The following ZNF804B variants were observed in gnomAD, a reference collection of about 807,000 sequenced individuals.
ZNF804B encodes the protein zinc finger protein 804B.
ZNF804B carries 80 observed loss-of-function variants against 101.4 expected under a neutral mutation model. The observed-to-expected ratio is 0.79, with a 90% CI of 0.66 to 0.95. The LOEUF is 0.95. Ranked by LOEUF, ZNF804B falls within the 40% of genes least tolerant of loss-of-function variation. The pLI is 0.00. For synonymous variants in ZNF804B, 622 were observed against 558.8 expected, an observed-to-expected ratio of 1.11 and a Z score of -1.59; for missense variants, 1,673 against 1,561.9, an observed-to-expected ratio of 1.07 and a Z score of -1.20.
intron 1 of ZNF804B, among the ~76,000 whole-genome samples, chr7:89,026,873 G>C (rs894624265): frequency 6.6e-6 from 1 of 152,164 alleles, no homozygotes; most frequent in South Asian, 2.1e-4. Flanking sequence ...ATGGTGGTCT[G>C]GCTCTTAGGA....
chr7:89,293,319 G>C lies in ZNF804B; in HGVS notation c.250-34025G>C, dbSNP rs867548195. On this transcript the variant is annotated intron_variant, in intron 2 of 3. Transcript: ENST00000333190. Reference sequence around the variant, plus strand: ...AGGTGATGGATACGTTAATTAGATTGATTTGATAATTCCACCATATATACA... The same window carrying C: ...AGGTGATGGATACGTTAATTAGATTCATTTGATAATTCCACCATATATACA... 1.5e-4 allele frequency among the ~76,000 whole-genome samples: 23 copies of C among 152,028 alleles called. No homozygotes were observed. The East Asian group carries it at 4.3e-3, about 28-fold the overall frequency.
At chr7:89,094,529 T>C (rs967327641) in intron 1 of ZNF804B, among the ~76,000 whole-genome samples, 1 of 152,126 alleles carries the variant, frequency 6.6e-6, no homozygotes, top group Non-Finnish European at 1.5e-5. Context: ...GGAGAAGATA[T>C]GGGTACACTC....
intron 1 of ZNF804B, among the ~76,000 whole-genome samples, chr7:88,922,107 G>A (rs557245309): frequency 6.6e-6 from 1 of 152,110 alleles, no homozygotes; most frequent in African/African-American, 2.4e-5. Flanking sequence ...ATTTGATTCT[G>A]TTCAGAATTT....
At chr7:88,915,647 T>C (rs1792621442) in intron 1 of ZNF804B, among the ~76,000 whole-genome samples, 2 of 151,942 alleles carry the variant, frequency 1.3e-5, no homozygotes, top group South Asian at 4.1e-4. Flanking sequence ...TAATAGACAC[T>C]AAATTATTTT....
chr7:89,132,528 C>T (rs143703673), intron 1 of ZNF804B, among the ~76,000 whole-genome samples: 11 of 152,124 alleles, frequency 7.2e-5, no homozygotes, highest in East Asian at 1.9e-4. Context: ...AGAGTCTCAG[C>T]TCCACTACCT....
chr7:88,894,655 G>C (rs2115937772), intron 1 of ZNF804B, among the ~76,000 whole-genome samples: 1 of 152,162 alleles, frequency 6.6e-6, no homozygotes, highest in South Asian at 2.1e-4. Context: ...AAATCCATAT[G>C]ATAAAATACT....
At chr7:88,888,701 C>G (rs1482932441) in intron 1 of ZNF804B, among the ~76,000 whole-genome samples, 1 of 152,092 alleles carries the variant, frequency 6.6e-6, no homozygotes. Flanking sequence ...TCATGCTACT[C>G]TGTTTTACTT....
intron 1 of ZNF804B, among the ~76,000 whole-genome samples, chr7:89,131,967 T>C (rs527434977): frequency 6.6e-6 from 1 of 152,130 alleles, no homozygotes; most frequent in South Asian, 2.1e-4. Flanking sequence ...GCAGATAGCA[T>C]ATATAAACTG....
chr7:88,801,996 T>C (rs1790598833), intron 1 of ZNF804B, among the ~76,000 whole-genome samples: 2 of 152,094 alleles, frequency 1.3e-5, no homozygotes, highest in South Asian at 4.1e-4. Context: ...GGGAGGGATC[T>C]GGTGGGAGGT....
chr7:89,063,127 C>T (rs1032237686), intron 1 of ZNF804B, among the ~76,000 whole-genome samples: 2 of 151,956 alleles, frequency 1.3e-5, no homozygotes, highest in East Asian at 1.9e-4. Context: ...TATTAGCAAT[C>T]GTTATTATTT....
chr7:89,052,776 C>T (rs1049748173), intron 1 of ZNF804B, among the ~76,000 whole-genome samples: 4 of 152,104 alleles, frequency 2.6e-5, no homozygotes, highest in Non-Finnish European at 5.9e-5. Flanking sequence ...CTTTTTCAGG[C>T]ATGTGGAATA....
chr7:89,284,721 A>G (rs1008523139), intron 2 of ZNF804B, among the ~76,000 whole-genome samples: 7 of 152,146 alleles, frequency 4.6e-5, no homozygotes, highest in African/African-American at 1.7e-4. Flanking sequence ...AAAAAAAATA[A>G]AGTTATTATA....
intron 2 of ZNF804B, among the ~76,000 whole-genome samples, chr7:89,250,860 G>A (rs975600827): frequency 7.2e-5 from 11 of 152,104 alleles, no homozygotes; most frequent in African/African-American, 2.2e-4. Context: ...CTCAATAGAC[G>A]TGAGAAAAAG....
At chr7:88,936,591 T>G (rs74831211) in intron 1 of ZNF804B, among the ~76,000 whole-genome samples, 231 of 152,146 alleles carry the variant, frequency 1.5e-3, no homozygotes, top group Admixed American at 2.6e-3. Context: ...ATGATTCTCT[T>G]TGGAATATGA....
chr7:88,957,561 A>C (rs1793328442), intron 1 of ZNF804B, among the ~76,000 whole-genome samples: 1 of 151,356 alleles, frequency 6.6e-6, no homozygotes. Context: ...TAAGTAGATA[A>C]AAATATTTTC....
intron 1 of ZNF804B, among the ~76,000 whole-genome samples, chr7:88,807,181 A>G (rs1790705098): frequency 1.3e-5 from 2 of 152,242 alleles, no homozygotes; most frequent in African/African-American, 4.8e-5. Flanking sequence ...CATGCTCTGC[A>G]AACTTTTAAA....
At chr7:89,018,859 G>A (rs1194112668) in intron 1 of ZNF804B, among the ~76,000 whole-genome samples, 1 of 151,860 alleles carries the variant, frequency 6.6e-6, no homozygotes, top group African/African-American at 2.4e-5. Flanking sequence ...TTTTATTCCT[G>A]ACCTTATTTA....
intron 1 of ZNF804B, among the ~76,000 whole-genome samples, chr7:88,840,150 C>A (rs1267859928): frequency 6.6e-6 from 1 of 152,268 alleles, no homozygotes; most frequent in African/African-American, 2.4e-5. Flanking sequence ...GAACAAAGTT[C>A]TGGCACAGAG....
chr7:89,224,238 A>T (rs906394076), intron 2 of ZNF804B, among the ~76,000 whole-genome samples: 1 of 152,056 alleles, frequency 6.6e-6, no homozygotes, highest in Non-Finnish European at 1.5e-5. Flanking sequence ...GTGACGCTTC[A>T]TCCTTCTAAT....
Sources: gnomAD v4.1 joint callset for allele counts (sites outside exome capture counted in the v4.1 genomes callset) on GRCh38, gnomAD v4.1.1 for gene constraint, MANE v1.5 for transcripts, NCBI Gene and HGNC (gene_info 2026-07-23, HGNC 2026-07-21) for gene names.